Variants in DNAH9 observed in about 807,000 individuals in gnomAD.
DNAH9 encodes dynein axonemal heavy chain 9, also known as DNAH9 variant protein.
A neutral mutation model predicts 471.6 loss-of-function variants in DNAH9; 345 were observed. The ratio of observed to expected loss-of-function variants is 0.73; its 90% CI spans 0.67 to 0.80. The LOEUF is 0.80. DNAH9 is among the 30% of genes least tolerant of loss of function. The pLI, the probability that DNAH9 is intolerant of heterozygous loss-of-function variation, is 0.00. For missense variants in DNAH9, 5,407 were observed against 5,609.2 expected, an observed-to-expected ratio of 0.96 and a Z score of 1.15; for synonymous variants, 2,093 against 2,123.6, an observed-to-expected ratio of 0.99 and a Z score of 0.40.
At chr17:11,845,094 T>C (rs1422277368) in intron 49 of DNAH9, among the ~76,000 whole-genome samples, 5 of 151,732 alleles carry the variant, frequency 3.3e-5, no homozygotes, top group East Asian at 3.9e-4. Flanking sequence ...CATGCTGGTG[T>C]GCTGTACCCA....
chr17:11,801,415 C>G (rs914428623), intron 43 of DNAH9, among the ~76,000 whole-genome samples: 1 of 152,188 alleles, frequency 6.6e-6, no homozygotes, highest in Non-Finnish European at 1.5e-5. Flanking sequence ...ACCTGCCGGG[C>G]ACCGTGGCTC....
chr17:11,871,632 C>T lies in DNAH9; in HGVS notation c.10088C>T (p.Ala3363Val). The T allele has an allele frequency of 6.2e-7, 1 of 1,614,126 alleles. No individual in the cohort carries two copies. ...GGLASENVRW[A>V]DAVQNFKQQE... ...CTCGCTTCTGAAAACGTGAGGTGGGCAGATGCCGTGCAGAACTTCAAACAG... is the reference window on the plus strand; with the variant it reads ...CTCGCTTCTGAAAACGTGAGGTGGGTAGATGCCGTGCAGAACTTCAAACAG... Residue 3363 changes from alanine (A) to valine (V), a missense_variant, in exon 52 of 69, where the codon GCA (alanine) becomes GTA (valine). Ala to Val is a moderately conservative substitution (Grantham distance 64, BLOSUM62 0). Around this residue, in one of 3 missense-constraint regions of DNAH9, gnomAD observed 4,636 missense variants for 4,900.3 expected, o/e 0.95. Coordinates refer to ENST00000262442, the MANE Select transcript of DNAH9 (RefSeq NM_001372.4).
Position 11,869,257 on chromosome 17 carries a change from A to G in DNAH9, c.10053+4A>G, listed in dbSNP as rs1224167407. Reference sequence around the variant, plus strand: ...CATCTCCCTTGCCAACCGCCTGGTGAGTGTAAGCCACAGCAGCCCGAGCTG... The same window carrying G: ...CATCTCCCTTGCCAACCGCCTGGTGGGTGTAAGCCACAGCAGCCCGAGCTG... On this transcript the variant is annotated splice_donor_region_variant and intron_variant, in intron 51 of 68. Transcript: ENST00000262442. 6.2e-7 allele frequency: 1 copy of G among 1,612,796 alleles called. No homozygotes were observed. Among genetic ancestry groups the G allele is most frequent in the African/African-American group, 1.3e-5 (1 of 74,912 alleles).
chr17:11,758,103 G>A (rs1967480697), intron 35 of DNAH9, among the ~76,000 whole-genome samples: 2 of 152,140 alleles, frequency 1.3e-5, no homozygotes, highest in Non-Finnish European at 2.9e-5. Context: ...GTGACCTGTG[G>A]GGCCCACTCC....
At chr17:11,930,936 C>T (rs909781104) in intron 63 of DNAH9, among the ~76,000 whole-genome samples, 12 of 152,178 alleles carry the variant, frequency 7.9e-5, no homozygotes, top group East Asian at 1.9e-4. Context: ...CAGACCACTA[C>T]GTTTCCATTA....
At chr17:11,777,381 CTT>C (rs1290163744) in intron 38 of DNAH9, among the ~76,000 whole-genome samples, 1 of 152,124 alleles carries the variant, frequency 6.6e-6, no homozygotes, top group Non-Finnish European at 1.5e-5. Flanking sequence ...TTTTATGTCT[CTT>C]TAAAGACTTT....
At chr17:11,719,564 G>C in intron 27 of DNAH9, 74 bp downstream of exon 27, 1 of 1,417,810 alleles carries the variant, frequency 7.1e-7, no homozygotes, top group Non-Finnish European at 9.7e-7. Context: ...AGGCTAAGAC[G>C]CATCCGTGCC....
intron 43 of DNAH9, among the ~76,000 whole-genome samples, chr17:11,800,737 C>T (rs942632813): frequency 3.9e-5 from 6 of 152,136 alleles, no homozygotes; most frequent in Admixed American, 1.3e-4. Context: ...TATTACATGA[C>T]GCCCCTGTGG....
intron 26 of DNAH9, among the ~76,000 whole-genome samples, chr17:11,709,319 T>A (rs1257533836): frequency 6.6e-6 from 1 of 152,230 alleles, no homozygotes; most frequent in Non-Finnish European, 1.5e-5. Context: ...TCTGACAAAG[T>A]AGTATGTAGC....
chr17:11,716,251 T>A (rs1971671), intron 26 of DNAH9, among the ~76,000 whole-genome samples: 125,952 of 151,706 alleles, frequency 0.83, 55,929 homozygotes, highest in Non-Finnish European at 0.98. Context: ...GCCCAGCTAA[T>A]TTTGTATTTT....
intron 26 of DNAH9, among the ~76,000 whole-genome samples, chr17:11,719,061 G>C (rs2075011086): frequency 6.6e-6 from 1 of 152,082 alleles, no homozygotes; most frequent in South Asian, 2.1e-4. Context: ...TGCAGCTTCA[G>C]AGGAGGGGAA....
Position 11,762,758 on chromosome 17 carries a change from G to GTT in DNAH9, c.6996-672_6996-671dup, listed in dbSNP as rs111963634. Among the ~76,000 whole-genome samples the GTT allele has an allele frequency of 9.6e-3, 909 of 94,684 alleles. 31 individuals are homozygous for GTT. Among genetic ancestry groups the GTT allele is most frequent in the Middle Eastern group, 0.022 (3 of 136 alleles). 62.1% of individuals were successfully genotyped at this position (94,684 alleles called of 152,430 possible). A position where few individuals can be genotyped will look rare whatever the true frequency, so the allele number is the denominator to read the frequency against. On this transcript the variant is annotated intron_variant, in intron 35 of 68. Coordinates refer to ENST00000262442, the MANE Select transcript of DNAH9 (RefSeq NM_001372.4). ...GCACCAAAATTGCCTCTTTAGGTGC[G>GTT]TTTTTTTTTTTGTTTTTTTTTTTTT...
At chr17:11,668,914 G>C in intron 15 of DNAH9, 150 bp from the exon 16 acceptor site, 1 of 614,454 alleles carries the variant, frequency 1.6e-6, no homozygotes. Flanking sequence ...ACATTGTATG[G>C]GATGTAAACA....
At position 11,748,148 on chromosome 17, in the gene DNAH9, CAAAAAAAAAAA is replaced by C. The variant is rs71142241; in HGVS notation, c.6610+401_6610+411del. 7.6e-3 allele frequency among the ~76,000 whole-genome samples: 494 copies of C among 64,696 alleles called. 3 individuals are homozygous for C. Among genetic ancestry groups the C allele is most frequent in the East Asian group, 0.026 (54 of 2,050 alleles). 42.4% of individuals were successfully genotyped at this position (64,696 alleles called of 152,430 possible). A position where few individuals can be genotyped will look rare whatever the true frequency, so the allele number is the denominator to read the frequency against. On this transcript the variant is annotated intron_variant, in intron 32 of 68. Coordinates refer to ENST00000262442, the MANE Select transcript of DNAH9 (RefSeq NM_001372.4). ...TGAAACCCTGTCTCTACTAAAAATA[CAAAAAAAAAAA>C]AAAAAAAAAAAAAAAAAATCAGCTG... is the stretch of plus-strand genomic sequence containing the variant.
At chr17:11,936,503 G>C (rs1974718358) in intron 65 of DNAH9, among the ~76,000 whole-genome samples, 1 of 152,140 alleles carries the variant, frequency 6.6e-6, no homozygotes, top group Non-Finnish European at 1.5e-5. Flanking sequence ...GAGCATGGTG[G>C]CATGTACCTG....
At chr17:11,614,903 C>A (rs545309677) in intron 4 of DNAH9, among the ~76,000 whole-genome samples, 39 of 152,282 alleles carry the variant, frequency 2.6e-4, no homozygotes, top group Admixed American at 1.8e-3. Context: ...ATCACATTGG[C>A]CATTAAATTT....
chr17:11,718,689 T>G (rs2075006029), intron 26 of DNAH9, among the ~76,000 whole-genome samples: 1 of 152,194 alleles, frequency 6.6e-6, no homozygotes, highest in Admixed American at 6.5e-5. Context: ...GTGCCTAGAG[T>G]GTGCTAAGTT....
intron 27 of DNAH9, among the ~76,000 whole-genome samples, chr17:11,721,192 A>G (rs8081897): frequency 0.074 from 11,253 of 152,228 alleles, 488 homozygotes; most frequent in East Asian, 0.14. Context: ...ATCAAAACCA[A>G]TCACTGAACC....
At chr17:11,930,166 G>A in intron 63 of DNAH9, 73 bp downstream of exon 63, 10 of 1,313,026 alleles carry the variant, frequency 7.6e-6, no homozygotes, top group Non-Finnish European at 1.1e-5. Flanking sequence ...TGGGGGGAGA[G>A]CATGCAACTC....
Sources: gnomAD v4.1 joint callset for allele counts (sites outside exome capture counted in the v4.1 genomes callset) on GRCh38, gnomAD v4.1.1 for gene constraint, gnomAD v4.1.1 regional missense constraint, MANE v1.5 for transcripts, NCBI Gene and HGNC (gene_info 2026-07-23, HGNC 2026-07-21) for gene names.